EDARADD: variants seen among roughly 807,000 people sequenced by gnomAD.
EDARADD encodes ectodysplasin-A receptor-associated adapter protein.
Under a neutral mutation model 25.6 loss-of-function variants are expected in EDARADD, and 20 were observed. The ratio of observed to expected loss-of-function variants is 0.78; its 90% CI spans 0.55 to 1.14. The LOEUF is 1.14. Ranked by LOEUF, EDARADD falls within the 50% of genes most tolerant of loss-of-function variation. EDARADD has a pLI of 0.00. For synonymous variants in EDARADD, 86 were observed against 94.4 expected (o/e 0.91, Z 0.52); for missense variants, 225 against 270.1 (o/e 0.83, Z 1.17).
intron 3 of EDARADD, among the ~76,000 whole-genome samples, chr1:236,360,543 T>A (rs1049720394): frequency 0.029 from 2,325 of 80,626 alleles, 123 homozygotes; most frequent in African/African-American, 0.099. Context: ...CACGGTTTTT[T>A]TTTTTTTTTT....
At chr1:236,376,790 C>T (rs1454795982) in intron 3 of EDARADD, among the ~76,000 whole-genome samples, 2 of 152,092 alleles carry the variant, frequency 1.3e-5, no homozygotes, top group Non-Finnish European at 2.9e-5. Context: ...TTCTGATATT[C>T]TCATTATGGG....
chr1:236,351,819 TCA>T (rs1432781976), intron 3 of EDARADD, among the ~76,000 whole-genome samples: 3 of 151,204 alleles, frequency 2.0e-5, no homozygotes, highest in African/African-American at 4.9e-5. Flanking sequence ...CACTAGAGAG[TCA>T]CACACAAGGG....
intron 4 of EDARADD, among the ~76,000 whole-genome samples, chr1:236,454,344 G>A (rs908938433): frequency 8.5e-5 from 13 of 152,136 alleles, no homozygotes; most frequent in South Asian, 4.1e-4. Flanking sequence ...CACCGTGCCC[G>A]GCCTAGAGTT....
chr1:236,458,717 C>T (rs1440722093), intron 4 of EDARADD, among the ~76,000 whole-genome samples: 2 of 145,732 alleles, frequency 1.4e-5, no homozygotes, highest in African/African-American at 5.0e-5. Context: ...AGTCCCAGCT[C>T]ACTGCAACCT....
intron 3 of EDARADD, among the ~76,000 whole-genome samples, chr1:236,426,904 G>A (rs994959952): frequency 3.3e-5 from 5 of 151,920 alleles, no homozygotes; most frequent in East Asian, 1.9e-4. Flanking sequence ...TTTTTGAGAC[G>A]GAGTTTTGCT....
chr1:236,375,306 A>G (rs1157561686), intron 3 of EDARADD, among the ~76,000 whole-genome samples: 4 of 152,200 alleles, frequency 2.6e-5, no homozygotes, highest in African/African-American at 9.6e-5. Flanking sequence ...ATAATTGAGT[A>G]CATTGTGGTG....
chr1:236,408,237 C>G (rs1667772562), intron 1 of EDARADD, among the ~76,000 whole-genome samples: 1 of 152,052 alleles, frequency 6.6e-6, no homozygotes, highest in South Asian at 2.1e-4. Flanking sequence ...GAGTTTTGCT[C>G]TGTCACCCAG....
rs1657585489 is a variant in EDARADD at position 236,414,558 on chromosome 1, T to C, written c.160+259T>C. 2.0e-5 allele frequency among the ~76,000 whole-genome samples: 3 copies of C among 152,170 alleles called. No individual in the cohort carries two copies. In the South Asian group the frequency reaches 6.2e-4, roughly 31 times the overall value. On this transcript the variant is annotated intron_variant, in intron 3 of 5. Transcript: ENST00000334232. Reference sequence around the variant, plus strand: ...TAACAAATTATGCGTTAAATTCCTGTGGTGTTTTTAACAGGCATAAAATGA... The same window carrying C: ...TAACAAATTATGCGTTAAATTCCTGCGGTGTTTTTAACAGGCATAAAATGA...
intron 3 of EDARADD, among the ~76,000 whole-genome samples, chr1:236,364,683 T>A (rs1667090563): frequency 6.8e-6 from 1 of 146,492 alleles, no homozygotes; most frequent in Non-Finnish European, 1.5e-5. Flanking sequence ...TTAATTTCCA[T>A]TTCTGATTGT....
At chr1:236,446,781 G>T (rs1384233505) in intron 4 of EDARADD, among the ~76,000 whole-genome samples, 1 of 152,186 alleles carries the variant, frequency 6.6e-6, no homozygotes, top group Non-Finnish European at 1.5e-5. Context: ...TGGTCAAAAA[G>T]TTGAAAGAGC....
intron 4 of EDARADD, among the ~76,000 whole-genome samples, chr1:236,451,745 A>G (rs1331682134): frequency 1.3e-5 from 2 of 152,112 alleles, no homozygotes; most frequent in African/African-American, 4.8e-5. Context: ...CCTCACCTTC[A>G]GCTCAGGCCT....
chr1:236,447,184 CTT>C (rs1488018804), intron 4 of EDARADD, among the ~76,000 whole-genome samples: 2 of 46,140 alleles, frequency 4.3e-5, no homozygotes, highest in African/African-American at 1.6e-4. Context: ...TTCTTTCTTT[CTT>C]TCTTTCTTTC....
Position 236,395,529 on chromosome 1 carries a change from C to T in EDARADD, c.61+1024C>T. On this transcript the variant is annotated intron_variant, in intron 1 of 5. Coordinates refer to ENST00000334232, the MANE Select transcript of EDARADD (RefSeq NM_145861.4). This position sits in a 1 kb window ranked among gnomAD's most constrained non-coding sequence, Gnocchi z 6.9. ...GAGCCACGGTTTGCTCCAGGCGCGT[C>T]GGAACCGCAGGACTTTTCATCCCCG... 6.5e-7 allele frequency: 1 copy of T among 1,535,762 alleles called. No homozygotes were observed. The highest frequency in any genetic ancestry group is 1.2e-5 in the South Asian group (1 of 83,750).
intron 1 of EDARADD, among the ~76,000 whole-genome samples, chr1:236,399,412 A>C (rs10754569): frequency 0.87 from 132,874 of 152,170 alleles, 58,245 homozygotes; most frequent in African/African-American, 0.95. Context: ...GCCTGGAACC[A>C]CTGACCTCAA....
chr1:236,400,262 C>G (rs1047929252), intron 1 of EDARADD, among the ~76,000 whole-genome samples: 1 of 152,130 alleles, frequency 6.6e-6, no homozygotes, highest in Non-Finnish European at 1.5e-5. Context: ...TTGCTGTCTT[C>G]CCTCATCCTC....
rs1192082079 is a variant in EDARADD, at chr1:236,482,266, G to C, written c.266-1G>C. 6.2e-7 allele frequency: 1 copy of C among 1,614,146 alleles called. No individual in the cohort carries two copies. The highest frequency in any genetic ancestry group is 8.5e-7 in the Non-Finnish European group (1 of 1,180,036). On this transcript the variant is annotated splice_acceptor_variant, in intron 5 of 5. Coordinates refer to ENST00000334232, the MANE Select transcript of EDARADD (RefSeq NM_145861.4). LOFTEE classifies it high-confidence loss of function. ...GTGGACTAAATTGTTTCTCCCTGCA[G>C]AGATCAGCAAGGACAACTCCTGCAA... is the stretch of plus-strand genomic sequence containing the variant.
Position 236,482,799 on chromosome 1 carries a change from G to A in EDARADD, c.*150G>A. ...CCCAAAGCTGGCAGTTTTGTGGAGG[G>A]GTAGCTTGTTTCGGTGGTGGATCTC... On this transcript the variant is annotated 3_prime_UTR_variant, in exon 6 of 6. Transcript: ENST00000334232. 2 of 1,084,490 alleles carry A rather than the reference G, an allele frequency of 1.8e-6. No individual in the cohort carries two copies. The highest frequency in any genetic ancestry group is 2.2e-5 in the Admixed American group (1 of 45,754). 67.2% of individuals were successfully genotyped at this position (1,084,490 alleles called of 1,614,324 possible). A position where few individuals can be genotyped will look rare whatever the true frequency, so the allele number is the denominator to read the frequency against.
At chr1:236,423,136 G>A (rs768129997) in intron 3 of EDARADD, among the ~76,000 whole-genome samples, 3 of 152,210 alleles carry the variant, frequency 2.0e-5, no homozygotes, top group Non-Finnish European at 4.4e-5. Context: ...GGGACTGCCT[G>A]TTGTAGACTT....
chr1:236,359,161 T>C (rs1046822180), intron 3 of EDARADD, among the ~76,000 whole-genome samples: 14 of 152,216 alleles, frequency 9.2e-5, no homozygotes, highest in African/African-American at 3.4e-4. Context: ...AGGATCCCTT[T>C]CCTGATGTCA....
Sources: allele counts gnomAD v4.1 joint callset (sites outside exome capture counted in the v4.1 genomes callset), GRCh38; gene constraint gnomAD v4.1.1; non-coding constraint Gnocchi (gnomAD v3.1); transcripts MANE v1.5; gene names NCBI Gene and HGNC (gene_info 2026-07-23, HGNC 2026-07-21).